Variants in CASD1 observed in about 807,000 individuals in gnomAD.
CASD1 encodes the protein N-acetylneuraminate (7)9-O-acetyltransferase.
CASD1 carries 41 observed loss-of-function variants against 100.0 expected under a neutral mutation model. The ratio of observed to expected loss-of-function variants is 0.41; its 90% confidence interval spans 0.32 to 0.53. The LOEUF (loss-of-function observed/expected upper bound fraction) is 0.53. Ranked by LOEUF, CASD1 falls within the 20% of genes least tolerant of loss-of-function variation. The probability of loss-of-function intolerance (pLI) is 0.25; values close to 1 mark genes in which losing one functional copy is unlikely to be tolerated. For synonymous variants in CASD1, 321 were observed against 315.6 expected, an observed-to-expected ratio of 1.02 and a Z score of -0.18; for missense variants, 774 against 948.7, an observed-to-expected ratio of 0.82 and a Z score of 2.42.
chr7:94,518,383 CAGG>C, intron 3 of CASD1, 60 bp downstream of exon 3: 1 of 1,404,228 alleles, frequency 7.1e-7, no homozygotes, highest in Non-Finnish European at 9.6e-7. Flanking sequence ...TGAATAGTTA[CAGG>C]AGGAGTGTGT....
intron 1 of CASD1, among the ~76,000 whole-genome samples, chr7:94,514,265 TAGAA>T (rs143047191): frequency 0.012 from 1,762 of 152,280 alleles, 35 homozygotes; most frequent in African/African-American, 0.04. Flanking sequence ...CTTTGACTGT[TAGAA>T]AGATCCTGAT....
the CASD1 span, among the ~76,000 whole-genome samples, chr7:94,614,874 GA>G: frequency 6.6e-6 from 1 of 151,848 alleles, no homozygotes; most frequent in South Asian, 2.1e-4. Flanking sequence ...AACTATGAAA[GA>G]AAAAATGATA....
intron 3 of CASD1, among the ~76,000 whole-genome samples, chr7:94,519,672 T>TA (rs1794159705): frequency 6.6e-6 from 1 of 152,056 alleles, no homozygotes; most frequent in African/African-American, 2.4e-5. Flanking sequence ...TTTTAATAAT[T>TA]AAAAAAATTT....
chr7:94,537,936 C>A, intron 9 of CASD1, 42 bp downstream of exon 9: 1 of 1,073,428 alleles, frequency 9.3e-7, no homozygotes, highest in Non-Finnish European at 1.4e-6. Flanking sequence ...CCCTTCTTGT[C>A]TCATTACATA....
the CASD1 span, chr7:94,616,840 C>A: frequency 1.3e-5 from 2 of 151,974 alleles, no homozygotes; most frequent in Admixed American, 1.3e-4. Context: ...GCATTGCGTA[C>A]AATTTATAGA....
chr7:94,567,059 C>T, the CASD1 span, among the ~76,000 whole-genome samples: 2 of 152,108 alleles, frequency 1.3e-5, no homozygotes, highest in African/African-American at 4.8e-5. Context: ...AGGTGTTACA[C>T]ACTTTCACAT....
the CASD1 span, among the ~76,000 whole-genome samples, chr7:94,564,165 G>A: frequency 1.3e-5 from 2 of 152,164 alleles, no homozygotes; most frequent in Non-Finnish European, 2.9e-5. Flanking sequence ...AGAATGGAAA[G>A]AACACATTCA....
intron 12 of CASD1, among the ~76,000 whole-genome samples, chr7:94,546,218 T>C (rs1795671112): frequency 6.6e-6 from 1 of 151,960 alleles, no homozygotes; most frequent in Admixed American, 6.6e-5. Context: ...GAAGCAGTTA[T>C]TATCAACCTG....
chr7:94,623,271 CATA>C, the CASD1 span: 1 of 1,107,152 alleles, frequency 9.0e-7, no homozygotes, highest in Non-Finnish European at 1.3e-6. Context: ...AGTTATAAAA[CATA>C]ATGAAATACT....
the CASD1 span, among the ~76,000 whole-genome samples, chr7:94,567,573 A>C: frequency 2.6e-5 from 4 of 152,184 alleles, no homozygotes; most frequent in Non-Finnish European, 5.9e-5. Context: ...AGAGTTTGTA[A>C]GCCCCTGTCT....
rs776250328 is a variant in CASD1, at chr7:94,549,628, C to T, written c.1809C>T (p.Asp603=). The change falls in exon 14 of 18, where the codon GAC becomes GAT. Residue 603 remains aspartate (D), a synonymous_variant. Coordinates refer to ENST00000297273, the MANE Select transcript of CASD1 (RefSeq NM_022900.5). ...AATGGTGGTTCAGATGGAGGTTAGACCGTTATGTATGTATTTACTTTGTGA... is the reference window on the plus strand; with the variant it reads ...AATGGTGGTTCAGATGGAGGTTAGATCGTTATGTATGTATTTACTTTGTGA... ...VYEWWFRWRL[D]RYVVFHGMLF... 52 of 1,599,006 alleles carry T rather than the reference C, an allele frequency of 3.3e-5. 1 individual carries two copies. In the African/African-American group the frequency reaches 3.4e-4, roughly 10 times the overall value.
intron 16 of CASD1, among the ~76,000 whole-genome samples, chr7:94,552,873 G>GT (rs1228294606): frequency 6.6e-6 from 1 of 152,140 alleles, no homozygotes; most frequent in African/African-American, 2.4e-5. Flanking sequence ...GAAGGCGGAG[G>GT]TTGCAGTGAC....
chr7:94,524,731 C>T (rs984238575), intron 3 of CASD1, among the ~76,000 whole-genome samples: 2 of 152,016 alleles, frequency 1.3e-5, no homozygotes, highest in Admixed American at 6.6e-5. Context: ...ATCAGTTGAC[C>T]TGTACTCTAC....
the CASD1 span, among the ~76,000 whole-genome samples, chr7:94,566,404 T>G: frequency 6.6e-6 from 1 of 151,140 alleles, no homozygotes; most frequent in African/African-American, 2.4e-5. Context: ...ATAATACTTA[T>G]AAAAAAGAAA....
chr7:94,573,942 G>T, the CASD1 span, among the ~76,000 whole-genome samples: 2 of 152,084 alleles, frequency 1.3e-5, no homozygotes, highest in Non-Finnish European at 2.9e-5. Context: ...ATATGAAGTG[G>T]TGTTGAATTT....
chr7:94,533,163 GA>G (rs1562939948), intron 5 of CASD1, 41 bp from the exon 6 acceptor site: 1 of 1,469,074 alleles, frequency 6.8e-7, no homozygotes, highest in Middle Eastern at 1.7e-4. Context: ...GTAATTCCCT[GA>G]ACTGATTATA....
At chr7:94,590,778 C>T in the CASD1 span, 3 of 152,096 alleles carry the variant, frequency 2.0e-5, no homozygotes, top group Admixed American at 1.3e-4. Context: ...CATGCTGGCC[C>T]CTACAGCAAT....
intron 5 of CASD1, among the ~76,000 whole-genome samples, chr7:94,530,865 G>T (rs1299587950): frequency 6.6e-6 from 1 of 152,054 alleles, no homozygotes. Context: ...AAAACCAAGG[G>T]AGGAAGGACT....
At chr7:94,554,828 G>T (rs549661071) in intron 17 of CASD1, among the ~76,000 whole-genome samples, 10 of 152,116 alleles carry the variant, frequency 6.6e-5, no homozygotes, top group African/African-American at 2.2e-4. Flanking sequence ...TATTTACGTT[G>T]TCTTGAGCTT....
Sources: gnomAD v4.1 joint callset for allele counts (sites outside exome capture counted in the v4.1 genomes callset) on GRCh38, gnomAD v4.1.1 for gene constraint, MANE v1.5 for transcripts, NCBI Gene and HGNC (gene_info 2026-07-23, HGNC 2026-07-21) for gene names.